Variants in ACOX1 observed in about 807,000 individuals in gnomAD.
ACOX1 encodes the protein acyl-CoA oxidase 1.
Under a neutral mutation model 75.5 loss-of-function variants are expected in ACOX1, and 41 were observed. The ratio of observed to expected loss-of-function variants is 0.54; its 90% CI spans 0.42 to 0.70. ACOX1 has a LOEUF of 0.70. ACOX1 is among the 30% of genes least tolerant of loss of function. The pLI, the probability that ACOX1 is intolerant of heterozygous loss-of-function variation, is 0.00. For synonymous variants in ACOX1, 303 were observed against 298.8 expected (o/e 1.01, Z -0.15); for missense variants, 630 against 837.5 (o/e 0.75, Z 3.06).
In ACOX1 at chr17:75,950,764, T is replaced by G. The variant is rs1359415580; in HGVS notation, c.1298+10A>C. ...GAACAGATGGGAGGAATCGAGGATT[T>G]GACTCTCACCTAGCCGTCTGGAGCA... On this transcript the variant is annotated intron_variant, in intron 9 of 13. Transcript: ENST00000293217. The surrounding 1 kb of genome is among the most constrained non-coding windows in gnomAD (Gnocchi z 4.3). 3.1e-6 allele frequency: 5 copies of G among 1,613,482 alleles called. No homozygotes were observed. In the Admixed American group the frequency reaches 8.3e-5, roughly 27 times the overall value.
At chr17:75,953,414 C>A in intron 7 of ACOX1, 37 bp downstream of exon 7, 1 of 1,609,454 alleles carries the variant, frequency 6.2e-7, no homozygotes, top group Non-Finnish European at 8.5e-7. Flanking sequence ...AAAAACTAGG[C>A]CTTTGGTACT....
chr17:75,971,389 A>G (rs958433034), intron 2 of ACOX1, among the ~76,000 whole-genome samples: 3 of 152,118 alleles, frequency 2.0e-5, no homozygotes, highest in Non-Finnish European at 2.9e-5. Context: ...TCTCTGTCCA[A>G]CTTCTGTTTG....
chr17:75,969,579 G>A (rs1314895010), intron 2 of ACOX1, among the ~76,000 whole-genome samples: 1 of 152,136 alleles, frequency 6.6e-6, no homozygotes, highest in African/African-American at 2.4e-5. Flanking sequence ...GAATCACTTG[G>A]GCAGAGGGAA....
chr17:75,951,991 C>G (rs779897077), intron 7 of ACOX1, among the ~76,000 whole-genome samples: 1 of 151,778 alleles, frequency 6.6e-6, no homozygotes, highest in Non-Finnish European at 1.5e-5. Context: ...ATTTGGCTCC[C>G]TAAGACCATG....
At position 75,954,059 on chromosome 17, in the gene ACOX1, A is replaced by G. The variant is rs1429731918; in HGVS notation, c.775-439T>C. 2.6e-5 allele frequency among the ~76,000 whole-genome samples: 4 copies of G among 152,230 alleles called. No homozygotes were observed. The East Asian group carries it at 5.8e-4, about 22-fold the overall frequency. On this transcript the variant is annotated intron_variant, in intron 6 of 13. Transcript: ENST00000293217. Reference sequence around the variant, plus strand: ...TGGTGAAACCCCATCTCTACTAAAAATACAAAAATTAGCTGCGTGTGGTGG... The same window carrying G: ...TGGTGAAACCCCATCTCTACTAAAAGTACAAAAATTAGCTGCGTGTGGTGG...
At position 75,950,969 on chromosome 17, in the gene ACOX1, G is replaced by C. The variant is rs2144241030; in HGVS notation, c.1108-5C>G. The C allele has an allele frequency of 1.2e-6, 2 of 1,613,746 alleles. No individual in the cohort carries two copies. Among genetic ancestry groups the C allele is most frequent in the Non-Finnish European group, 1.7e-6 (2 of 1,179,868 alleles). The stretch of plus-strand genomic sequence containing the variant: ...TCCAGCGGTGAGGGCATGAAGCTGA[G>C]AGGACAAGCACAGATCTGTCAGGAC... On this transcript the variant is annotated splice_region_variant and splice_polypyrimidine_tract_variant and intron_variant, in intron 8 of 13. Coordinates refer to ENST00000293217, the MANE Select transcript of ACOX1 (RefSeq NM_004035.7). The surrounding 1 kb of genome is among the most constrained non-coding windows in gnomAD (Gnocchi z 4.3).
chr17:75,957,330 C>T, intron 4 of ACOX1, 129 bp downstream of exon 4: 2 of 840,190 alleles, frequency 2.4e-6, no homozygotes, highest in Non-Finnish European at 4.1e-6. Flanking sequence ...ATCTGCCCAC[C>T]TCAGCCTCCC....
chr17:75,958,543 T>C (rs572169920), intron 3 of ACOX1, among the ~76,000 whole-genome samples: 1 of 147,648 alleles, frequency 6.8e-6, no homozygotes, highest in Non-Finnish European at 1.5e-5. Context: ...GCACGGTGGC[T>C]CACGCCTGTA....
rs1325008474 is a variant in ACOX1 at position 75,978,941 on chromosome 17, G to A, written c.109+24C>T. The A allele has an allele frequency of 8.7e-6, 14 of 1,607,864 alleles. No individual in the cohort carries two copies. Among genetic ancestry groups the A allele is most frequent in the Non-Finnish European group, 1.2e-5 (14 of 1,179,818 alleles). On this transcript the variant is annotated intron_variant, in intron 1 of 13. Transcript: ENST00000293217. The surrounding 1 kb of genome is among the most constrained non-coding windows in gnomAD (Gnocchi z 4.2). ...TCTCCAGCTTTTCTCGGGAAAGGAG[G>A]GAGGTCTCGCCCGCCGCCCTCACCG...
intron 4 of ACOX1, among the ~76,000 whole-genome samples, chr17:75,956,508 T>A (rs570150445): frequency 2.6e-5 from 4 of 152,006 alleles, no homozygotes; most frequent in Non-Finnish European, 5.9e-5. Flanking sequence ...GCCAACATGA[T>A]GAAATCCCAT....
chr17:75,967,406 G>A (rs1385967863), intron 2 of ACOX1, among the ~76,000 whole-genome samples: 1 of 149,608 alleles, frequency 6.7e-6, no homozygotes, highest in African/African-American at 2.5e-5. Context: ...GGAGGCAGAG[G>A]TTACAGTGAG....
At chr17:75,947,364 C>A (rs1363500766) in intron 13 of ACOX1, among the ~76,000 whole-genome samples, 5 of 151,370 alleles carry the variant, frequency 3.3e-5, no homozygotes, top group African/African-American at 1.2e-4. Flanking sequence ...TCTCCTGTCT[C>A]AGCCTCCCAA....
At position 75,978,828 on chromosome 17, in the gene ACOX1, C is replaced by T; in HGVS notation, c.110-135G>A. 3 of 1,598,952 alleles carry T rather than the reference C, an allele frequency of 1.9e-6. No homozygotes were observed. The highest frequency in any genetic ancestry group is 2.5e-6 in the Non-Finnish European group (3 of 1,176,602). On this transcript the variant is annotated intron_variant, in intron 1 of 13. Transcript: ENST00000293217. This position sits in a 1 kb window ranked among gnomAD's most constrained non-coding sequence, Gnocchi z 4.2. Reference sequence around the variant, plus strand: ...GATATCCCCCCACCAGGGACACAGGCTGTTCCTCGAAGTGGGGGTCCCGGC... The same window carrying T: ...GATATCCCCCCACCAGGGACACAGGTTGTTCCTCGAAGTGGGGGTCCCGGC...
intron 2 of ACOX1, chr17:75,973,453 TG>T: frequency 1.4e-6 from 1 of 714,698 alleles, no homozygotes; most frequent in Non-Finnish European, 2.5e-6. Flanking sequence ...GCCAGAGCCC[TG>T]GACCAGTTTC....
rs532082215 is a variant in ACOX1, at chr17:75,960,681, T to C, written c.270-306A>G. Among the ~76,000 whole-genome samples, 175 of 152,080 alleles carry C rather than the reference T, an allele frequency of 1.2e-3. 1 individual carries two copies. Among genetic ancestry groups the C allele is most frequent in the African/African-American group, 3.9e-3 (163 of 41,512 alleles). ...CGCCCAGGAATTAAATCAAAGGAAA[T>C]AAAGAAAATTTGAGAGGCCAGTGCA... On this transcript the variant is annotated intron_variant, in intron 2 of 13. Transcript: ENST00000293217. The surrounding 1 kb of genome is among the most constrained non-coding windows in gnomAD (Gnocchi z 4.4).
chr17:75,958,652 C>CA (rs1439709731), intron 3 of ACOX1, among the ~76,000 whole-genome samples: 11 of 151,606 alleles, frequency 7.3e-5, no homozygotes, highest in Admixed American at 1.3e-4. Context: ...ACTAAAAATA[C>CA]AAAAAATTAG....
At position 75,978,874 on chromosome 17, in the gene ACOX1, G is replaced by A; in HGVS notation, c.109+91C>T. 1.3e-6 allele frequency: 2 copies of A among 1,598,926 alleles called. No homozygotes were observed. Among genetic ancestry groups the A allele is most frequent in the South Asian group, 1.1e-5 (1 of 90,890 alleles). ...CCGGCTCCCCTAACGCTGGGCCAGA[G>A]GGCCTAGGCCCCACAGCGCCCCTGA... On this transcript the variant is annotated intron_variant, in intron 1 of 13. Coordinates refer to ENST00000293217, the MANE Select transcript of ACOX1 (RefSeq NM_004035.7). The surrounding 1 kb of genome is among the most constrained non-coding windows in gnomAD (Gnocchi z 4.2).
chr17:75,943,801 A>G lies in ACOX1; in HGVS notation c.*2947T>C, dbSNP rs2065695822. Reference sequence around the variant, plus strand: ...AAGTAGAACTCCAAACACTTGGGCAAGAAGAAAATCCATTGCAAATAGCCA... The same window carrying G: ...AAGTAGAACTCCAAACACTTGGGCAGGAAGAAAATCCATTGCAAATAGCCA... On this transcript the variant is annotated 3_prime_UTR_variant, in exon 14 of 14. Transcript: ENST00000293217. 6.6e-6 allele frequency: 1 copy of G among 152,242 alleles called. No individual in the cohort carries two copies. The highest frequency in any genetic ancestry group is 6.5e-5 in the Admixed American group (1 of 15,280). 9.4% of individuals were successfully genotyped at this position (152,242 alleles called of 1,614,324 possible).
At chr17:75,957,389 C>G (rs1347359010) in intron 4 of ACOX1, 70 bp downstream of exon 4, 4 of 1,362,096 alleles carry the variant, frequency 2.9e-6, no homozygotes, top group Non-Finnish European at 4.2e-6. Context: ...ATCATAAAAG[C>G]TCTACATTCT....
Sources: gnomAD v4.1 joint callset for allele counts (sites outside exome capture counted in the v4.1 genomes callset) on GRCh38, gnomAD v4.1.1 for gene constraint, Gnocchi (gnomAD v3.1) non-coding constraint, MANE v1.5 for transcripts, NCBI Gene and HGNC (gene_info 2026-07-23, HGNC 2026-07-21) for gene names.